The following SLC9B1 variants were observed in gnomAD, a reference collection of about 807,000 sequenced individuals.
SLC9B1 encodes the protein solute carrier family 9 member B1.
SLC9B1 carries 32 observed loss-of-function variants against 51.7 expected under a neutral mutation model. The observed-to-expected ratio is 0.62, with a 90% CI of 0.47 to 0.83. SLC9B1 has a LOEUF of 0.83. Among genes scored for constraint, SLC9B1 ranks in the 40% least tolerant of loss-of-function variants. The pLI is 0.00. For missense variants in SLC9B1, 406 were observed against 613.2 expected, an observed-to-expected ratio of 0.66 and a Z score of 3.57; for synonymous variants, 145 against 212.7, an observed-to-expected ratio of 0.68 and a Z score of 2.77.
intron 3 of SLC9B1, among the ~76,000 whole-genome samples, chr4:102,970,103 G>C (rs1278846097): frequency 1.3e-5 from 2 of 152,128 alleles, no homozygotes; most frequent in South Asian, 4.1e-4. Flanking sequence ...ACCTAGCAAG[G>C]CAGGCCAACA....
intron 7 of SLC9B1, among the ~76,000 whole-genome samples, chr4:102,925,103 C>A (rs1736089401): frequency 6.6e-6 from 1 of 152,142 alleles, no homozygotes; most frequent in Non-Finnish European, 1.5e-5. Context: ...GACACATGCA[C>A]ACGTATGTTT....
At chr4:102,912,835 C>T (rs1454612531) in intron 7 of SLC9B1, among the ~76,000 whole-genome samples, 1 of 152,048 alleles carries the variant, frequency 6.6e-6, no homozygotes, top group Non-Finnish European at 1.5e-5. Context: ...GCCTGGCTGA[C>T]AGAGCAAGAT....
chr4:102,994,134 C>T (rs1469286388), intron 1 of SLC9B1, among the ~76,000 whole-genome samples: 1 of 152,158 alleles, frequency 6.6e-6, no homozygotes, highest in Non-Finnish European at 1.5e-5. Flanking sequence ...TGAAATTCTA[C>T]CCCCTTCCCC....
chr4:102,888,321 T>C (rs1432834200), intron 11 of SLC9B1: 3 of 152,186 alleles, frequency 2.0e-5, no homozygotes, highest in Non-Finnish European at 2.9e-5. Context: ...GCCACACATA[T>C]ACCAAAATCT....
At position 102,932,283 on chromosome 4, in the gene SLC9B1, C is replaced by T; in HGVS notation, c.670G>A (p.Val224Ile). The change falls in exon 7 of 12, where the codon GTC (valine) becomes ATC (isoleucine). Residue 224 changes from valine to isoleucine, a missense_variant. Physicochemically the swap from Val to Ile is conservative, Grantham distance 29 (BLOSUM62 3). Around this residue, in one of 6 missense-constraint regions of SLC9B1, gnomAD observed 250 missense variants for 394.1 expected, o/e 0.63. Coordinates refer to ENST00000296422, the MANE Select transcript of SLC9B1 (RefSeq NM_139173.4). ...AFLLGFVLGA[V>I]SPAVVVPYMM... Reference sequence around the variant, plus strand: ...TAAGGGACAACAACAGCAGGAGAGACAGCACCTAGAACAAAACTGAAAGAA... The same window carrying T: ...TAAGGGACAACAACAGCAGGAGAGATAGCACCTAGAACAAAACTGAAAGAA... The T allele has an allele frequency of 1.2e-6, 2 of 1,611,494 alleles. No individual in the cohort carries two copies. Among genetic ancestry groups the T allele is most frequent in the South Asian group, 1.1e-5 (1 of 90,888 alleles).
intron 1 of SLC9B1, among the ~76,000 whole-genome samples, chr4:103,010,123 C>G (rs549476816): frequency 6.6e-6 from 1 of 152,164 alleles, no homozygotes; most frequent in East Asian, 1.9e-4. Context: ...TAAAGTGACA[C>G]GGTGTCTGTC....
At chr4:102,943,037 C>T (rs746350114) in intron 6 of SLC9B1, among the ~76,000 whole-genome samples, 2 of 151,604 alleles carry the variant, frequency 1.3e-5, no homozygotes, top group Non-Finnish European at 2.9e-5. Context: ...AGACACTTCC[C>T]AAAAGAAGAT....
At chr4:102,922,044 C>T (rs1735906490) in intron 7 of SLC9B1, among the ~76,000 whole-genome samples, 1 of 152,170 alleles carries the variant, frequency 6.6e-6, no homozygotes, top group Non-Finnish European at 1.5e-5. Flanking sequence ...CTGAACTCAG[C>T]TCTGCAACAA....
intron 6 of SLC9B1, among the ~76,000 whole-genome samples, chr4:102,943,675 T>C (rs1737129292): frequency 6.6e-6 from 1 of 152,098 alleles, no homozygotes; most frequent in Admixed American, 6.6e-5. Context: ...TTCTGACTTA[T>C]AAGTGGGAGT....
At chr4:102,944,389 G>A (rs535805976) in intron 6 of SLC9B1, among the ~76,000 whole-genome samples, 4 of 152,202 alleles carry the variant, frequency 2.6e-5, no homozygotes, top group African/African-American at 9.6e-5. Context: ...ATAAAAATTG[G>A]AGAAGAAAAA....
chr4:102,949,307 AT>A lies in SLC9B1; in HGVS notation c.331del (p.Ile111PhefsTer9). 2 of 1,608,634 alleles carry A rather than the reference AT, an allele frequency of 1.2e-6. No homozygotes were observed. Among genetic ancestry groups the A allele is most frequent in the South Asian group, 2.2e-5 (2 of 90,252 alleles). ...IFYSAIIGGK[I>X]LQLIRIPLVP... Reference sequence around the variant, plus strand: ...TAAAGGTATTCTAATGAGTTGTAAAATTTTTCCCCCAATAATGGCACTATAA... The same window carrying A: ...TAAAGGTATTCTAATGAGTTGTAAAATTTTCCCCCAATAATGGCACTATAA... On this transcript the variant is annotated frameshift_variant, in exon 4 of 12. Transcript: ENST00000296422.
At chr4:102,898,720 GTATT>G (rs1734653151), downstream of SLC9B1, among the ~76,000 whole-genome samples, 1 of 152,082 alleles carries the variant, frequency 6.6e-6, no homozygotes, top group Non-Finnish European at 1.5e-5. Context: ...CAACAATCTT[GTATT>G]TATTTGTTAT....
In SLC9B1 at chr4:102,974,240, TTGAA is replaced by T. The variant is rs1386629363; in HGVS notation, c.211+15556_211+15559del. Among the ~76,000 whole-genome samples the T allele has an allele frequency of 5.2e-5, 4 of 76,270 alleles. 1 individual carries two copies. The highest frequency in any genetic ancestry group is 2.1e-4 in the African/African-American group (4 of 19,094). 50.0% of individuals were successfully genotyped at this position (76,270 alleles called of 152,430 possible). A position where few individuals can be genotyped will look rare whatever the true frequency, so the allele number is the denominator to read the frequency against. On this transcript the variant is annotated intron_variant, in intron 3 of 11. Coordinates refer to ENST00000296422, the MANE Select transcript of SLC9B1 (RefSeq NM_139173.4). ...CAACAGAGCAAGACTCTGTCTAAAATTGAAAAAAAAAAAAAAAAAAAAAAAATCG... is the reference window on the plus strand; with the variant it reads ...CAACAGAGCAAGACTCTGTCTAAAATAAAAAAAAAAAAAAAAAAAAAATCG...
chr4:103,007,902 T>G (rs1203118883), intron 1 of SLC9B1, among the ~76,000 whole-genome samples: 3 of 152,122 alleles, frequency 2.0e-5, no homozygotes, highest in Non-Finnish European at 1.5e-5. Flanking sequence ...TTCTTCATAT[T>G]CACAGCTAGG....
intron 6 of SLC9B1, among the ~76,000 whole-genome samples, chr4:102,939,078 G>A (rs1325355181): frequency 6.6e-6 from 1 of 150,438 alleles, no homozygotes; most frequent in Non-Finnish European, 1.5e-5. Flanking sequence ...AAAGATAAAT[G>A]AAACTAAAAG....
downstream of SLC9B1, chr4:102,898,194 G>C: frequency 7.7e-6 from 4 of 519,414 alleles, no homozygotes; most frequent in South Asian, 4.1e-5. Context: ...AGCTAAAGAG[G>C]CTGCCCAGAA....
At chr4:102,898,320 G>GA (rs1463532988), downstream of SLC9B1, 3 of 334,784 alleles carry the variant, frequency 9.0e-6, no homozygotes, top group African/African-American at 2.2e-5. Context: ...AAATACTATG[G>GA]AAAAAATTTG....
intron 9 of SLC9B1, among the ~76,000 whole-genome samples, chr4:102,908,130 C>T (rs1192035689): frequency 3.9e-5 from 6 of 152,296 alleles, no homozygotes; most frequent in Non-Finnish European, 2.9e-5. Context: ...GATTTTGACA[C>T]ATAAAACTGC....
Position 102,911,464 on chromosome 4 carries a change from T to C in SLC9B1, c.903A>G (p.Gly301=). 11 of 1,596,788 alleles carry C rather than the reference T, an allele frequency of 6.9e-6. No homozygotes were observed. The highest frequency in any genetic ancestry group is 9.3e-6 in the Non-Finnish European group (11 of 1,179,380). Residue 301 remains glycine, a synonymous_variant, in exon 8 of 12, where the codon GGA becomes GGG. Coordinates refer to ENST00000296422, the MANE Select transcript of SLC9B1 (RefSeq NM_139173.4). ...CISLLAGIVL[G]FFVRYFPSED... ...CACTTGGAAAATATCGAACAAAAAA[T>C]CCCAAAACAATTCCTGCCAGCAGAC...
Sources: allele counts gnomAD v4.1 joint callset (sites outside exome capture counted in the v4.1 genomes callset), GRCh38; gene constraint gnomAD v4.1.1; regional missense constraint gnomAD v4.1.1; transcripts MANE v1.5; gene names NCBI Gene and HGNC (gene_info 2026-07-23, HGNC 2026-07-21).